GPC6: variants seen among roughly 807,000 people sequenced by gnomAD.
GPC6 encodes the protein glypican 6.
GPC6 carries 14 observed loss-of-function variants against 55.2 expected under a neutral mutation model. The ratio of observed to expected loss-of-function variants is 0.25; its 90% CI spans 0.17 to 0.40. GPC6 has a LOEUF of 0.40. Ranked by LOEUF, GPC6 falls within the 10% of genes least tolerant of loss-of-function variation. GPC6 has a pLI of 1.00. For synonymous variants in GPC6, 278 were observed against 259.6 expected (o/e 1.07, Z -0.68); for missense variants, 641 against 708.5 (o/e 0.90, Z 1.08).
chr13:94,355,714 C>G (rs566182206), intron 6 of GPC6, among the ~76,000 whole-genome samples: 1 of 151,754 alleles, frequency 6.6e-6, no homozygotes, highest in African/African-American at 2.4e-5. Context: ...TGCTTCCAGT[C>G]CCCCCCTCCA....
intron 3 of GPC6, among the ~76,000 whole-genome samples, chr13:93,884,030 A>G (rs1013423907): frequency 2.0e-5 from 3 of 152,124 alleles, no homozygotes; most frequent in Non-Finnish European, 2.9e-5. Context: ...AGCTTGAAGT[A>G]TTTGTCCACA....
chr13:93,227,799 G>GGT lies in GPC6; in HGVS notation c.160+187_160+188dup, dbSNP rs1041680991. On this transcript the variant is annotated intron_variant, in intron 1 of 8. Transcript: ENST00000377047. The surrounding 1 kb of genome is among the most constrained non-coding windows in gnomAD (Gnocchi z 4.3). The stretch of plus-strand genomic sequence containing the variant: ...TCCTGCGGCTTCTTCGGCGGGGGAA[G>GGT]GTGTGCGTCTCCGCCGCCTCATTGT... Among the ~76,000 whole-genome samples the GGT allele has an allele frequency of 6.6e-6, 1 of 152,170 alleles. No individual in the cohort carries two copies. Among genetic ancestry groups the GGT allele is most frequent in the Admixed American group, 6.5e-5 (1 of 15,292 alleles).
chr13:93,456,666 C>T (rs906481580), intron 1 of GPC6, among the ~76,000 whole-genome samples: 28 of 151,900 alleles, frequency 1.8e-4, no homozygotes, highest in African/African-American at 6.0e-4. Context: ...GCCTGTCTCC[C>T]CAGGAGAAAG....
chr13:93,322,540 G>A (rs570116089), intron 1 of GPC6, among the ~76,000 whole-genome samples: 7 of 144,698 alleles, frequency 4.8e-5, no homozygotes, highest in South Asian at 2.2e-4. Context: ...GGGTTCAAGC[G>A]ATTCTCCTGC....
At chr13:94,280,917 C>T (rs1892360735) in intron 4 of GPC6, among the ~76,000 whole-genome samples, 2 of 152,088 alleles carry the variant, frequency 1.3e-5, no homozygotes, top group Non-Finnish European at 2.9e-5. Flanking sequence ...ATTGAAATGA[C>T]ACATTATCAT....
At chr13:93,894,629 T>C (rs1875885236) in intron 3 of GPC6, among the ~76,000 whole-genome samples, 2 of 152,164 alleles carry the variant, frequency 1.3e-5, no homozygotes, top group Admixed American at 6.6e-5. Flanking sequence ...CCAAGTTTGT[T>C]TGGCCATTGA....
chr13:93,616,756 C>A (rs1451646600), intron 2 of GPC6, among the ~76,000 whole-genome samples: 1 of 152,028 alleles, frequency 6.6e-6, no homozygotes, highest in Non-Finnish European at 1.5e-5. Flanking sequence ...ACAAACAATT[C>A]CCACAACCAA....
At chr13:93,802,062 A>G (rs1774367649) in intron 2 of GPC6, among the ~76,000 whole-genome samples, 1 of 152,218 alleles carries the variant, frequency 6.6e-6, no homozygotes, top group African/African-American at 2.4e-5. Context: ...GATTAAGTTT[A>G]AAAGTTCCCA....
At chr13:93,661,180 G>A (rs1880905229) in intron 2 of GPC6, among the ~76,000 whole-genome samples, 1 of 152,116 alleles carries the variant, frequency 6.6e-6, no homozygotes, top group African/African-American at 2.4e-5. Context: ...GTAATGTGCT[G>A]TATTACCTTT....
chr13:93,385,359 G>A (rs560755817), intron 1 of GPC6, among the ~76,000 whole-genome samples: 3 of 152,362 alleles, frequency 2.0e-5, no homozygotes, highest in Admixed American at 2.0e-4. Context: ...CAAGTGCTTT[G>A]GAGTTTGCAC....
chr13:93,218,558 G>C, the GPC6 span, among the ~76,000 whole-genome samples: 1 of 152,244 alleles, frequency 6.6e-6, no homozygotes, highest in East Asian at 1.9e-4. Flanking sequence ...GTCACACAAT[G>C]GTTAGGAAAC....
intron 2 of GPC6, among the ~76,000 whole-genome samples, chr13:93,701,482 C>A (rs1159527430): frequency 1.3e-5 from 2 of 151,944 alleles, no homozygotes; most frequent in Non-Finnish European, 2.9e-5. Flanking sequence ...GTGTTGAGGG[C>A]TGCTGACTGA....
chr13:93,644,580 A>G (rs1389851311), intron 2 of GPC6, among the ~76,000 whole-genome samples: 2 of 151,992 alleles, frequency 1.3e-5, no homozygotes, highest in Admixed American at 1.3e-4. Context: ...AAATGTACAG[A>G]TTATAGTTTG....
intron 4 of GPC6, among the ~76,000 whole-genome samples, chr13:94,191,108 A>C (rs1478620289): frequency 6.6e-6 from 1 of 152,330 alleles, no homozygotes; most frequent in East Asian, 1.9e-4. Context: ...GAGACAAAAG[A>C]GCTTTCTTTA....
intron 3 of GPC6, among the ~76,000 whole-genome samples, chr13:93,916,468 A>G (rs1174160518): frequency 6.6e-6 from 1 of 152,126 alleles, no homozygotes; most frequent in Admixed American, 6.5e-5. Flanking sequence ...GAGGAAACTG[A>G]CAGTAAGTGT....
At chr13:93,895,337 G>A (rs1875950447) in intron 3 of GPC6, among the ~76,000 whole-genome samples, 1 of 148,500 alleles carries the variant, frequency 6.7e-6, no homozygotes, top group South Asian at 2.1e-4. Context: ...TCTGTGCTGG[G>A]CAATCATCTG....
intron 5 of GPC6, among the ~76,000 whole-genome samples, chr13:94,295,610 A>G (rs1352191955): frequency 6.6e-6 from 1 of 152,084 alleles, no homozygotes; most frequent in African/African-American, 2.4e-5. Context: ...AGTGCAGGAG[A>G]CTGTGTCAGC....
chr13:93,405,804 T>A (rs1017789248), intron 1 of GPC6, among the ~76,000 whole-genome samples: 3 of 152,222 alleles, frequency 2.0e-5, no homozygotes, highest in African/African-American at 7.2e-5. Context: ...TGGTGCCTTT[T>A]GAAACATCAC....
chr13:94,329,403 G>A (rs1877294531), intron 6 of GPC6, among the ~76,000 whole-genome samples: 1 of 152,116 alleles, frequency 6.6e-6, no homozygotes, highest in Non-Finnish European at 1.5e-5. Context: ...GCAGATCTGT[G>A]CCTCGCAGTA....
Sources: gnomAD v4.1 joint callset for allele counts (sites outside exome capture counted in the v4.1 genomes callset) on GRCh38, gnomAD v4.1.1 for gene constraint, Gnocchi (gnomAD v3.1) non-coding constraint, MANE v1.5 for transcripts, NCBI Gene and HGNC (gene_info 2026-07-23, HGNC 2026-07-21) for gene names.